AK8: variants seen among roughly 807,000 people sequenced by gnomAD.
The protein encoded by AK8 is ATP-AMP transphosphorylase 8.
A neutral mutation model predicts 54.6 loss-of-function variants in AK8; 44 were observed. That is an observed-to-expected ratio of 0.81 (90% CI 0.63 to 1.04). AK8 has a LOEUF of 1.04. Ranked by LOEUF, AK8 falls within the 50% of genes least tolerant of loss-of-function variation. The pLI, the probability that AK8 is intolerant of heterozygous loss-of-function variation, is 0.00. For synonymous variants in AK8, 239 were observed against 245.6 expected, an observed-to-expected ratio of 0.97 and a Z score of 0.25; for missense variants, 555 against 613.6, an observed-to-expected ratio of 0.90 and a Z score of 1.01.
chr9:132,822,626 A>G (rs968357318), intron 9 of AK8, among the ~76,000 whole-genome samples: 3 of 151,980 alleles, frequency 2.0e-5, no homozygotes, highest in African/African-American at 4.8e-5. Context: ...ATCCTCCTGA[A>G]CACAAGCTGG....
In AK8 at chr9:132,757,653, G is replaced by A. The variant is rs968734410; in HGVS notation, c.1122-30119C>T. 7.2e-5 allele frequency among the ~76,000 whole-genome samples: 11 copies of A among 152,286 alleles called. No homozygotes were observed. In the South Asian group the frequency reaches 1.2e-3, roughly 17 times the overall value. ...ACTGAGGCTCCGAAAGGCGGCAACCGCAGAGGTGGATCTGGTTCCTGTTTC... is the reference window on the plus strand; with the variant it reads ...ACTGAGGCTCCGAAAGGCGGCAACCACAGAGGTGGATCTGGTTCCTGTTTC... On this transcript the variant is annotated intron_variant, in intron 11 of 12. Transcript: ENST00000298545.
At chr9:132,752,710 G>A (rs1327058377) in intron 11 of AK8, among the ~76,000 whole-genome samples, 3 of 113,174 alleles carry the variant, frequency 2.7e-5, no homozygotes, top group Admixed American at 1.9e-4. Flanking sequence ...GGACATGGAC[G>A]CTGGCTGCCC....
intron 4 of AK8, among the ~76,000 whole-genome samples, chr9:132,858,894 C>T (rs1301448409): frequency 6.6e-6 from 1 of 152,156 alleles, no homozygotes; most frequent in African/African-American, 2.4e-5. Flanking sequence ...GCAAGAGAAA[C>T]CCTGGACTGG....
rs765618902 is a variant in AK8 at position 132,826,873 on chromosome 9, A to G, written c.738T>C (p.Cys246=). The G allele has an allele frequency of 9.3e-6, 15 of 1,614,104 alleles. No homozygotes were observed. The highest frequency in any genetic ancestry group is 2.7e-5 in the African/African-American group (2 of 74,940). Residue 246 remains cysteine (C), a synonymous_variant, in exon 8 of 13, where the codon TGT becomes TGC. Coordinates refer to ENST00000298545, the MANE Select transcript of AK8 (RefSeq NM_152572.3). The surrounding 1 kb of genome is among the most constrained non-coding windows in gnomAD (Gnocchi z 4.5). ...GTTTACCCTGGTAGAAGACGTCCAC[A>G]CATGGCTGGTCAGCACTGATGACTT... ...ILKVISADQP[C]VDVFYQALTY... is the part of the protein sequence containing the mutation.
chr9:132,752,879 A>G (rs1212962801), intron 11 of AK8, among the ~76,000 whole-genome samples: 3 of 152,064 alleles, frequency 2.0e-5, no homozygotes, highest in African/African-American at 4.8e-5. Context: ...ATGCCATGGC[A>G]TTTTAATCCC....
chr9:132,789,071 G>A (rs562433065), intron 11 of AK8, among the ~76,000 whole-genome samples: 5 of 152,292 alleles, frequency 3.3e-5, no homozygotes, highest in African/African-American at 1.2e-4. Context: ...CGAGGTGGGT[G>A]GATCACAAAG....
intron 4 of AK8, among the ~76,000 whole-genome samples, chr9:132,861,823 C>T (rs938588909): frequency 6.6e-6 from 1 of 152,220 alleles, no homozygotes; most frequent in Non-Finnish European, 1.5e-5. Context: ...GCCGAGCCTG[C>T]CATGTGCCCA....
At chr9:132,768,818 G>A (rs1838831859) in intron 11 of AK8, 1 of 152,166 alleles carries the variant, frequency 6.6e-6, no homozygotes, top group African/African-American at 2.4e-5. Flanking sequence ...TCTTTATGCA[G>A]TGATAGGGAA....
chr9:132,877,920 C>G (rs1210189716), intron 1 of AK8: 1 of 888,626 alleles, frequency 1.1e-6, no homozygotes, highest in African/African-American at 1.7e-5. Context: ...ACAGCCAGGA[C>G]CAAATCCCGG....
intron 4 of AK8, among the ~76,000 whole-genome samples, chr9:132,857,978 G>A (rs931754087): frequency 7.2e-5 from 11 of 152,350 alleles, no homozygotes; most frequent in African/African-American, 2.4e-4. Context: ...GCAGAGCACT[G>A]TGATGCTCTC....
chr9:132,775,777 A>G (rs1313079031), intron 11 of AK8, among the ~76,000 whole-genome samples: 6 of 152,064 alleles, frequency 3.9e-5, no homozygotes, highest in African/African-American at 1.5e-4. Context: ...GTACCATGCA[A>G]TGCTCCCTCC....
In AK8 at chr9:132,860,659, C is replaced by A. The variant is rs1381698967; in HGVS notation, c.333+3006G>T. Among the ~76,000 whole-genome samples the A allele has an allele frequency of 2.6e-5, 4 of 152,202 alleles. No homozygotes were observed. The highest frequency in any genetic ancestry group is 5.9e-5 in the Non-Finnish European group (4 of 68,034). On this transcript the variant is annotated intron_variant, in intron 4 of 12. Coordinates refer to ENST00000298545, the MANE Select transcript of AK8 (RefSeq NM_152572.3). This position sits in a 1 kb window ranked among gnomAD's most constrained non-coding sequence, Gnocchi z 4.4. ...GCAGGAACAAAAACTAGAGACACTG[C>A]CAGTTATTAATCATGCCCTGGCCAT...
At chr9:132,729,126 C>A (rs1836708204) in intron 11 of AK8, among the ~76,000 whole-genome samples, 1 of 152,176 alleles carries the variant, frequency 6.6e-6, no homozygotes, top group Non-Finnish European at 1.5e-5. Context: ...CTCAAGAAAT[C>A]TGCCCCCTTC....
chr9:132,865,811 CAAAAAATAAAAATAAAAAT>C (rs1386081638), intron 3 of AK8, among the ~76,000 whole-genome samples: 1 of 148,606 alleles, frequency 6.7e-6, no homozygotes, highest in African/African-American at 2.5e-5. Context: ...GACTCTGTCT[CAAAAAATAAAAATAAAAAT>C]AAAAAATAAA....
intron 12 of AK8, 141 bp downstream of exon 12, chr9:132,727,313 G>C (rs1836621799): frequency 1.3e-6 from 1 of 782,642 alleles, no homozygotes; most frequent in Admixed American, 2.1e-5. Context: ...ACAGCCAGTT[G>C]GATAAAGTCC....
chr9:132,745,216 C>T (rs28457683), intron 11 of AK8, among the ~76,000 whole-genome samples: 3,415 of 152,116 alleles, frequency 0.022, 135 homozygotes, highest in African/African-American at 0.078. Flanking sequence ...TAATGCGGGG[C>T]GGCTGTATAA....
At position 132,791,476 on chromosome 9, in the gene AK8, T is replaced by G. The variant is rs1839943831; in HGVS notation, c.1121+1158A>C. On this transcript the variant is annotated intron_variant, in intron 11 of 12. Coordinates refer to ENST00000298545, the MANE Select transcript of AK8 (RefSeq NM_152572.3). The surrounding 1 kb of genome is among the most constrained non-coding windows in gnomAD (Gnocchi z 4.0). ...TCCAGCTAAAATTTCAATGGCAGTT[T>G]CTTTTTGTACATGATAAAATCATTA... 1.3e-5 allele frequency among the ~76,000 whole-genome samples: 2 copies of G among 152,228 alleles called. No individual in the cohort carries two copies. Among genetic ancestry groups the G allele is most frequent in the East Asian group, 1.9e-4 (1 of 5,200 alleles).
At chr9:132,738,932 T>C (rs1305245583) in intron 11 of AK8, among the ~76,000 whole-genome samples, 1 of 151,730 alleles carries the variant, frequency 6.6e-6, no homozygotes, top group African/African-American at 2.4e-5. Flanking sequence ...TTTTTAATTT[T>C]TAATTTTGTA....
At chr9:132,828,299 A>G (rs1841962612) in intron 6 of AK8, among the ~76,000 whole-genome samples, 1 of 152,232 alleles carries the variant, frequency 6.6e-6, no homozygotes. Context: ...ACGGCCCATG[A>G]CGGAAAGTTC....
Sources: allele counts gnomAD v4.1 joint callset (sites outside exome capture counted in the v4.1 genomes callset), GRCh38; gene constraint gnomAD v4.1.1; non-coding constraint Gnocchi (gnomAD v3.1); transcripts MANE v1.5; gene names NCBI Gene and HGNC (gene_info 2026-07-23, HGNC 2026-07-21).